GLI2: variants seen among roughly 807,000 people sequenced by gnomAD.
The protein encoded by GLI2 is transcription activator GLI2.
In GLI2, 22 loss-of-function variants were observed where a neutral mutation model predicts 78.9. The observed-to-expected ratio is 0.28, with a 90% CI of 0.20 to 0.40. GLI2 has a LOEUF of 0.40. Ranked by LOEUF, GLI2 falls within the 10% of genes least tolerant of loss-of-function variation. GLI2 has a pLI of 1.00. For synonymous variants in GLI2, 974 were observed against 963.7 expected (o/e 1.01, Z -0.20); for missense variants, 2,097 against 2,213.2 (o/e 0.95, Z 1.05).
At chr2:120,740,510 A>T (rs1682498981) in intron 1 of GLI2, among the ~76,000 whole-genome samples, 1 of 152,168 alleles carries the variant, frequency 6.6e-6, no homozygotes, top group Non-Finnish European at 1.5e-5. Context: ...TAGCATAAGA[A>T]AAAAAGTTTT....
intron 2 of GLI2, among the ~76,000 whole-genome samples, chr2:120,829,586 A>G (rs1686257381): frequency 6.6e-6 from 1 of 152,220 alleles, no homozygotes; most frequent in Admixed American, 6.5e-5. Flanking sequence ...GCTGGGCCTA[A>G]CAGCTGTTTC....
intron 2 of GLI2, among the ~76,000 whole-genome samples, chr2:120,830,054 A>T (rs532649570): frequency 1.3e-5 from 2 of 152,172 alleles, no homozygotes; most frequent in Non-Finnish European, 2.9e-5. Flanking sequence ...TGAAAAGTGT[A>T]GCAGGCTTGG....
At chr2:120,815,259 C>G (rs1187184625) in intron 2 of GLI2, among the ~76,000 whole-genome samples, 1 of 152,146 alleles carries the variant, frequency 6.6e-6, no homozygotes, top group African/African-American at 2.4e-5. Flanking sequence ...GACAGTAAGT[C>G]TTTATCGGGA....
chr2:120,953,280 A>G (rs796292733), intron 4 of GLI2, among the ~76,000 whole-genome samples: 2 of 152,262 alleles, frequency 1.3e-5, no homozygotes, highest in African/African-American at 4.8e-5. Flanking sequence ...GGAGAAGGCT[A>G]TGTGAAGTCA....
chr2:120,950,002 G>A (rs1184156505), intron 3 of GLI2, among the ~76,000 whole-genome samples: 1 of 152,218 alleles, frequency 6.6e-6, no homozygotes, highest in African/African-American at 2.4e-5. Flanking sequence ...TGAAGATTGG[G>A]AGGGCCTCCC....
In GLI2 at chr2:120,969,558, C is replaced by T. The variant is rs191352315; in HGVS notation, c.845+643C>T. ...TTTGCTGCCTAACAAATTGCTCCAA[C>T]GCATAGCAGTTTAAAACCACAAGCA... On this transcript the variant is annotated intron_variant, in intron 6 of 13. Coordinates refer to ENST00000361492, the MANE Select transcript of GLI2 (RefSeq NM_001374353.1). Among the ~76,000 whole-genome samples, 496 of 152,362 alleles carry T rather than the reference C, an allele frequency of 3.3e-3. 2 individuals carry two copies. Among genetic ancestry groups the T allele is most frequent in the African/African-American group, 0.011 (468 of 41,586 alleles).
At chr2:120,877,752 C>A (rs1573523773) in intron 2 of GLI2, among the ~76,000 whole-genome samples, 1 of 152,284 alleles carries the variant, frequency 6.6e-6, no homozygotes, top group East Asian at 1.9e-4. Flanking sequence ...GGATATAGCA[C>A]AATATACCAA....
At position 120,788,469 on chromosome 2, in the gene GLI2, G is replaced by A. The variant is rs373140188; in HGVS notation, c.-30-8822G>A. 1.2e-4 allele frequency among the ~76,000 whole-genome samples: 18 copies of A among 152,338 alleles called. No homozygotes were observed. In the East Asian group the frequency reaches 3.5e-3, roughly 29 times the overall value. ...TCCCAGTGGAAACAAACGAAGTCTT[G>A]AGGCCGTCTCAAATGTCAACCTCAA... is the stretch of plus-strand genomic sequence containing the variant. On this transcript the variant is annotated intron_variant, in intron 1 of 13. Transcript: ENST00000361492.
chr2:120,784,656 C>T (rs1343131980), intron 1 of GLI2, among the ~76,000 whole-genome samples: 1 of 152,126 alleles, frequency 6.6e-6, no homozygotes, highest in Non-Finnish European at 1.5e-5. Context: ...GGCTTCCATG[C>T]TTGCCCTGCC....
At chr2:120,868,210 G>A (rs1213856963) in intron 2 of GLI2, among the ~76,000 whole-genome samples, 3 of 152,208 alleles carry the variant, frequency 2.0e-5, no homozygotes, top group Admixed American at 1.3e-4. Context: ...TATTGTCTGC[G>A]AGTCCCAGCT....
intron 2 of GLI2, among the ~76,000 whole-genome samples, chr2:120,849,702 G>C (rs558350976): frequency 1.3e-5 from 2 of 152,262 alleles, no homozygotes; most frequent in East Asian, 3.9e-4. Context: ...GGACACCCAG[G>C]GTTTAAGTGA....
chr2:120,889,383 C>T (rs559189036), intron 2 of GLI2, among the ~76,000 whole-genome samples: 5 of 152,304 alleles, frequency 3.3e-5, no homozygotes, highest in African/African-American at 9.6e-5. Context: ...GCTCCTCCAT[C>T]GAGGAAGGAT....
At chr2:120,953,753 A>G (rs1411477388) in intron 4 of GLI2, among the ~76,000 whole-genome samples, 1 of 152,170 alleles carries the variant, frequency 6.6e-6, no homozygotes, top group Non-Finnish European at 1.5e-5. Flanking sequence ...TTCGGAGGCC[A>G]GGTGGGAGGA....
rs770006738 is a variant in GLI2, at chr2:120,927,445, A to G, written c.233A>G (p.His78Arg). 4.3e-6 allele frequency: 7 copies of G among 1,613,104 alleles called. No individual in the cohort carries two copies. The highest frequency in any genetic ancestry group is 5.9e-6 in the Non-Finnish European group (7 of 1,179,086). Residue 78 changes from histidine (H) to arginine (R), a missense_variant, in exon 3 of 14, where the codon CAT (histidine) becomes CGT (arginine). Physicochemically the swap from His to Arg is conservative, Grantham distance 29. Around this residue, in one of 5 missense-constraint regions of GLI2, gnomAD observed 578 missense variants for 612.0 expected, o/e 0.94. Coordinates refer to ENST00000361492, the MANE Select transcript of GLI2 (RefSeq NM_001374353.1). ...HQEGRYHYEP[H>R]SVHGVHGPPA... ...GAAGGAAGGTACCATTACGAGCCTC[A>G]TTCTGTCCACGGTGTGCACGGGTAA...
intron 3 of GLI2, among the ~76,000 whole-genome samples, chr2:120,938,762 G>A (rs1007445406): frequency 2.0e-5 from 3 of 152,140 alleles, no homozygotes; most frequent in African/African-American, 7.2e-5. Flanking sequence ...GTGGCCAAGA[G>A]GGCCCATGGA....
chr2:120,891,591 A>T (rs1249610106), intron 2 of GLI2, among the ~76,000 whole-genome samples: 2 of 152,154 alleles, frequency 1.3e-5, no homozygotes, highest in African/African-American at 4.8e-5. Context: ...GAGAAATCAG[A>T]GCTGGAGTAC....
intron 1 of GLI2, among the ~76,000 whole-genome samples, chr2:120,740,535 T>C (rs191987606): frequency 6.6e-6 from 1 of 152,136 alleles, no homozygotes; most frequent in Non-Finnish European, 1.5e-5. Context: ...CGTTTGCCAT[T>C]GTCTTGAATG....
intron 2 of GLI2, among the ~76,000 whole-genome samples, chr2:120,884,857 C>G (rs1386291783): frequency 1.3e-5 from 2 of 152,184 alleles, no homozygotes; most frequent in South Asian, 4.1e-4. Flanking sequence ...CTGCTCACCC[C>G]CTGGGCCGGA....
At chr2:120,924,057 C>A (rs1019845957) in intron 2 of GLI2, among the ~76,000 whole-genome samples, 3 of 152,142 alleles carry the variant, frequency 2.0e-5, no homozygotes, top group African/African-American at 7.2e-5. Context: ...GTGGGGTGGT[C>A]TGGGCTCTGA....
Sources: allele counts gnomAD v4.1 joint callset (sites outside exome capture counted in the v4.1 genomes callset), GRCh38; gene constraint gnomAD v4.1.1; regional missense constraint gnomAD v4.1.1; transcripts MANE v1.5; gene names NCBI Gene and HGNC (gene_info 2026-07-23, HGNC 2026-07-21).